TCEANC2: variants seen among roughly 807,000 people sequenced by gnomAD.
TCEANC2 encodes the protein transcription elongation factor A N-terminal and central domain containing 2.
Under a neutral mutation model 22.8 loss-of-function variants are expected in TCEANC2, and 20 were observed. That is an observed-to-expected ratio of 0.88 (90% CI 0.62 to 1.28). The LOEUF (loss-of-function observed/expected upper bound fraction) is 1.28. Among genes scored for constraint, TCEANC2 ranks in the 50% most tolerant of loss-of-function variants. The pLI, the probability that TCEANC2 is intolerant of heterozygous loss-of-function variation, is 0.00. For missense variants in TCEANC2, 251 were observed against 249.7 expected, an observed-to-expected ratio of 1.01 and a Z score of -0.03; for synonymous variants, 84 against 95.5, an observed-to-expected ratio of 0.88 and a Z score of 0.70.
rs1266221149 is a variant in TCEANC2 at position 54,096,320 on chromosome 1, A to C, written c.474A>C (p.Glu158Asp). Residue 158 changes from glutamate (E) to aspartate (D), a missense_variant, in exon 5 of 5, where the codon GAA (glutamate) becomes GAC (aspartate). Coordinates refer to ENST00000234827, the MANE Select transcript of TCEANC2 (RefSeq NM_153035.3). The surrounding 1 kb of genome is among the most constrained non-coding windows in gnomAD (Gnocchi z 4.9). ...TACTGGTTGAAAATATTGAACGGGAAACGTTTCATCTCTGCTCCCGCCTCA... is the reference window on the plus strand; with the variant it reads ...TACTGGTTGAAAATATTGAACGGGACACGTTTCATCTCTGCTCCCGCCTCA... The part of the protein sequence containing the change: ...DHLLVENIER[E>D]TFHLCSRLIN... 6.2e-7 allele frequency: 1 copy of C among 1,600,550 alleles called. No individual in the cohort carries two copies. The highest frequency in any genetic ancestry group is 2.3e-5 in the East Asian group (1 of 44,404).
At chr1:54,109,583 A>G (rs533036985), downstream of TCEANC2, among the ~76,000 whole-genome samples, 7 of 152,328 alleles carry the variant, frequency 4.6e-5, no homozygotes, top group African/African-American at 1.4e-4. Context: ...GCATTTCGTT[A>G]TCTGTTTCCC....
chr1:54,057,040 T>TAA (rs758678252), intron 2 of TCEANC2, among the ~76,000 whole-genome samples: 1 of 141,772 alleles, frequency 7.1e-6, no homozygotes, highest in Non-Finnish European at 1.5e-5. Context: ...AGACACCATT[T>TAA]AAAAAAAAAA....
At chr1:54,056,033 C>G (rs1009312204) in intron 2 of TCEANC2, among the ~76,000 whole-genome samples, 1 of 152,188 alleles carries the variant, frequency 6.6e-6, no homozygotes, top group African/African-American at 2.4e-5. Flanking sequence ...ACTGAAAATG[C>G]CTTCTCATTT....
intron 3 of TCEANC2, among the ~76,000 whole-genome samples, chr1:54,086,846 G>A (rs370259753): frequency 1.3e-5 from 2 of 152,226 alleles, no homozygotes; most frequent in East Asian, 3.8e-4. Flanking sequence ...GTCAATCAGG[G>A]TGCCTCCATA....
chr1:54,107,073 G>A (rs562527990), downstream of TCEANC2, among the ~76,000 whole-genome samples: 38 of 152,182 alleles, frequency 2.5e-4, no homozygotes, highest in African/African-American at 8.4e-4. Flanking sequence ...TCTTCCCACC[G>A]ATGTCCTCTT....
At chr1:54,060,276 G>A (rs1044156228) in intron 2 of TCEANC2, among the ~76,000 whole-genome samples, 10 of 152,234 alleles carry the variant, frequency 6.6e-5, no homozygotes, top group African/African-American at 7.2e-5. Flanking sequence ...GTGGTCGCGC[G>A]CGCCTGTAGT....
chr1:54,112,511 A>T (rs947883726), exon 5 of TCEANC2: 6 of 152,164 alleles, frequency 3.9e-5, no homozygotes. Flanking sequence ...GAATAAAGGA[A>T]TTCTGCATAT....
intron 2 of TCEANC2, among the ~76,000 whole-genome samples, chr1:54,055,266 G>A (rs1657729403): frequency 6.6e-6 from 1 of 152,126 alleles, no homozygotes; most frequent in Admixed American, 6.6e-5. Flanking sequence ...GTGCCCAGCT[G>A]GAAAGAGGCT....
intron 4 of TCEANC2, among the ~76,000 whole-genome samples, chr1:54,095,907 C>T (rs961570757): frequency 1.3e-5 from 2 of 151,870 alleles, no homozygotes; most frequent in East Asian, 3.9e-4. Flanking sequence ...TCTAAAATGC[C>T]GTAAGGAGTT....
chr1:54,069,631 G>A (rs1162660347), intron 3 of TCEANC2, among the ~76,000 whole-genome samples: 1 of 151,470 alleles, frequency 6.6e-6, no homozygotes, highest in East Asian at 1.9e-4. Flanking sequence ...GAAACTTAGA[G>A]TTTGGTAGAG....
At chr1:54,058,170 A>G (rs1657787778) in intron 2 of TCEANC2, among the ~76,000 whole-genome samples, 1 of 152,166 alleles carries the variant, frequency 6.6e-6, no homozygotes, top group African/African-American at 2.4e-5. Flanking sequence ...TCTGGCCAAT[A>G]CTAAGTACTT....
rs1331314661 is a variant in TCEANC2, at chr1:54,105,362, C to T, written c.*8889C>T. 6.6e-6 allele frequency: 1 copy of T among 152,278 alleles called. No homozygotes were observed. The highest frequency in any genetic ancestry group is 1.5e-5 in the Non-Finnish European group (1 of 68,122). 9.4% of individuals were successfully genotyped at this position (152,278 alleles called of 1,614,324 possible). On this transcript the variant is annotated 3_prime_UTR_variant, in exon 5 of 5. Coordinates refer to ENST00000234827, the MANE Select transcript of TCEANC2 (RefSeq NM_153035.3). ...CAGGTCAGTTCAAGGTTATGAAGGC[C>T]TGGCCCCACTGCCTCAACTTGACAA...
chr1:54,055,131 A>G (rs995182106), intron 2 of TCEANC2, among the ~76,000 whole-genome samples: 1 of 151,942 alleles, frequency 6.6e-6, no homozygotes, highest in African/African-American at 2.4e-5. Context: ...ATGCCTGGCT[A>G]TTTTTTGTTT....
At chr1:54,069,019 A>G in intron 3 of TCEANC2, 122 bp downstream of exon 3, 2 of 1,115,904 alleles carry the variant, frequency 1.8e-6, no homozygotes, top group Non-Finnish European at 2.3e-6. Context: ...CTCTCTGGTA[A>G]AGGACTGTTG....
Position 54,096,249 on chromosome 1 carries a change from G to A in TCEANC2, c.439-36G>A. On this transcript the variant is annotated intron_variant, in intron 4 of 4. Coordinates refer to ENST00000234827, the MANE Select transcript of TCEANC2 (RefSeq NM_153035.3). This position sits in a 1 kb window ranked among gnomAD's most constrained non-coding sequence, Gnocchi z 4.9. ...CTCTTGCTTTTAATCCTTACGCAAT[G>A]TAAGGCTCTAATTTGATAATTTTGC... The A allele has an allele frequency of 1.3e-6, 2 of 1,568,330 alleles. No individual in the cohort carries two copies. The highest frequency in any genetic ancestry group is 1.7e-6 in the Non-Finnish European group (2 of 1,147,346).
intron 3 of TCEANC2, among the ~76,000 whole-genome samples, chr1:54,082,640 C>T (rs559366001): frequency 2.0e-5 from 3 of 152,110 alleles, no homozygotes; most frequent in South Asian, 4.2e-4. Context: ...TGACCCCAAA[C>T]AGGGACATGC....
At chr1:54,107,200 C>G (rs1014164793), downstream of TCEANC2, among the ~76,000 whole-genome samples, 8 of 152,152 alleles carry the variant, frequency 5.3e-5, no homozygotes, top group African/African-American at 1.9e-4. Context: ...CCTTGACAGT[C>G]TTGAGCAGTA....
At chr1:54,087,402 C>G (rs1028360724) in intron 3 of TCEANC2, among the ~76,000 whole-genome samples, 7 of 152,100 alleles carry the variant, frequency 4.6e-5, no homozygotes, top group African/African-American at 1.2e-4. Context: ...GATTTTGTCC[C>G]ACTTCATCTT....
intron 2 of TCEANC2, among the ~76,000 whole-genome samples, chr1:54,066,553 A>G (rs893355445): frequency 1.3e-5 from 2 of 152,244 alleles, no homozygotes; most frequent in African/African-American, 4.8e-5. Context: ...CAATGTTTGT[A>G]ACATGTAAAA....
Sources: gnomAD v4.1 joint callset for allele counts (sites outside exome capture counted in the v4.1 genomes callset) on GRCh38, gnomAD v4.1.1 for gene constraint, Gnocchi (gnomAD v3.1) non-coding constraint, MANE v1.5 for transcripts, NCBI Gene and HGNC (gene_info 2026-07-23, HGNC 2026-07-21) for gene names.